DOCK3: variants seen among roughly 807,000 people sequenced by gnomAD.
DOCK3 encodes the protein dedicator of cytokinesis 3, also known as dedicator of cytokinesis protein 3.
In DOCK3, 60 loss-of-function variants were observed where a neutral mutation model predicts 265.6. That is an observed-to-expected ratio of 0.23 (90% CI 0.18 to 0.28). DOCK3 has a LOEUF of 0.28. Among genes scored for constraint, DOCK3 ranks in the 10% least tolerant of loss-of-function variants. DOCK3 has a pLI of 1.00. For missense variants in DOCK3, 1,981 were observed against 2,594.3 expected (o/e 0.76, Z 5.14); for synonymous variants, 881 against 938.0 (o/e 0.94, Z 1.11).
intron 9 of DOCK3, among the ~76,000 whole-genome samples, chr3:51,131,745 A>T (rs1171406842): frequency 6.6e-6 from 1 of 152,194 alleles, no homozygotes; most frequent in African/African-American, 2.4e-5. Flanking sequence ...CCATTATGGT[A>T]GGCCCATTTT....
intron 12 of DOCK3, among the ~76,000 whole-genome samples, chr3:51,172,268 C>T (rs893439545): frequency 5.9e-5 from 9 of 152,042 alleles, no homozygotes; most frequent in East Asian, 1.9e-4. Flanking sequence ...CTCCGCCTCC[C>T]GGGTTCCAGC....
chr3:50,676,877 G>C (rs1013357116), intron 1 of DOCK3, among the ~76,000 whole-genome samples: 1 of 152,198 alleles, frequency 6.6e-6, no homozygotes, highest in Admixed American at 6.5e-5. Flanking sequence ...ACAGGATTGT[G>C]AAAGTGAAAT....
At chr3:51,370,931 T>C (rs998410391) in intron 49 of DOCK3, among the ~76,000 whole-genome samples, 5 of 152,224 alleles carry the variant, frequency 3.3e-5, no homozygotes, top group Admixed American at 6.5e-5. Flanking sequence ...CGACTGGGGC[T>C]GTCAACTTGA....
chr3:50,854,665 C>T (rs2046504417), intron 3 of DOCK3, among the ~76,000 whole-genome samples: 1 of 138,622 alleles, frequency 7.2e-6, no homozygotes, highest in African/African-American at 2.7e-5. Flanking sequence ...TGACCTCAAG[C>T]AGTCCTCTTT....
chr3:50,695,317 G>A (rs2035540636), intron 1 of DOCK3, among the ~76,000 whole-genome samples: 4 of 152,238 alleles, frequency 2.6e-5, no homozygotes. Flanking sequence ...TCAAATACTG[G>A]CTTTGCTCTC....
chr3:51,132,486 C>T (rs751436249), intron 9 of DOCK3, among the ~76,000 whole-genome samples: 16 of 152,110 alleles, frequency 1.1e-4, no homozygotes, highest in Non-Finnish European at 2.2e-4. Context: ...GCAACTGCCT[C>T]AGGAGATAAG....
At position 50,690,561 on chromosome 3, in the gene DOCK3, CTT is replaced by C. The variant is rs1354346658; in HGVS notation, c.37+15263_37+15264del. On this transcript the variant is annotated intron_variant, in intron 1 of 52. Transcript: ENST00000266037. Reference sequence around the variant, plus strand: ...ATTCTACACCAGTTAAATGAAAACTCTTTATTCCCCCTCACCCCCAACCCCTG... The same window carrying C: ...ATTCTACACCAGTTAAATGAAAACTCTATTCCCCCTCACCCCCAACCCCTG... Among the ~76,000 whole-genome samples, 4 of 152,282 alleles carry C rather than the reference CTT, an allele frequency of 2.6e-5. No individual in the cohort carries two copies. The South Asian group carries it at 8.3e-4, about 32-fold the overall frequency.
intron 2 of DOCK3, among the ~76,000 whole-genome samples, chr3:50,784,678 G>A (rs1405236195): frequency 6.6e-6 from 1 of 152,150 alleles, no homozygotes; most frequent in African/African-American, 2.4e-5. Flanking sequence ...TGTCATCTAT[G>A]TTTTCTTTCA....
chr3:50,944,051 A>G (rs1308629853), intron 5 of DOCK3, among the ~76,000 whole-genome samples: 7 of 152,192 alleles, frequency 4.6e-5, no homozygotes, highest in Non-Finnish European at 8.8e-5. Flanking sequence ...ATTGATCTCT[A>G]TTTGCTGATA....
At chr3:50,966,551 T>C (rs1174272888) in intron 5 of DOCK3, among the ~76,000 whole-genome samples, 2 of 150,828 alleles carry the variant, frequency 1.3e-5, no homozygotes, top group Non-Finnish European at 2.9e-5. Flanking sequence ...TGAGGTGATA[T>C]CTCATTTTAC....
chr3:50,994,887 T>C (rs2078226223), intron 5 of DOCK3, among the ~76,000 whole-genome samples: 1 of 152,188 alleles, frequency 6.6e-6, no homozygotes, highest in African/African-American at 2.4e-5. Flanking sequence ...CCTGTTATCA[T>C]CATTGTTGTA....
chr3:51,234,419 A>G (rs564815892), intron 19 of DOCK3, among the ~76,000 whole-genome samples: 1 of 152,170 alleles, frequency 6.6e-6, no homozygotes, highest in East Asian at 1.9e-4. Flanking sequence ...TGGTTTGGAA[A>G]TATTTTCTCC....
intron 12 of DOCK3, among the ~76,000 whole-genome samples, chr3:51,205,792 G>A (rs1316355653): frequency 3.3e-5 from 5 of 152,208 alleles, no homozygotes; most frequent in African/African-American, 7.2e-5. Context: ...ATAAAAGGAA[G>A]CATTGGTAAT....
intron 1 of DOCK3, among the ~76,000 whole-genome samples, chr3:50,753,914 G>T (rs2039992303): frequency 6.6e-6 from 1 of 152,074 alleles, no homozygotes; most frequent in Admixed American, 6.6e-5. Context: ...CCAGCACTTT[G>T]GGAGGCCGAG....
intron 4 of DOCK3, among the ~76,000 whole-genome samples, chr3:50,929,922 C>G (rs1368881513): frequency 1.3e-5 from 2 of 152,306 alleles, no homozygotes; most frequent in East Asian, 3.9e-4. Context: ...ATCCTATACA[C>G]TAATCATTTT....
intron 1 of DOCK3, among the ~76,000 whole-genome samples, chr3:50,680,691 T>A (rs1329397759): frequency 2.6e-5 from 4 of 151,612 alleles, no homozygotes; most frequent in Non-Finnish European, 4.4e-5. Flanking sequence ...TTTTTTTTTT[T>A]ATAGAGACTG....
chr3:51,332,058 T>C (rs1384389720), intron 33 of DOCK3, among the ~76,000 whole-genome samples: 1 of 152,164 alleles, frequency 6.6e-6, no homozygotes, highest in Non-Finnish European at 1.5e-5. Context: ...GGCAGTATGC[T>C]CTGTGCAAGG....
intron 12 of DOCK3, among the ~76,000 whole-genome samples, chr3:51,165,884 C>T (rs900961386): frequency 2.6e-5 from 4 of 151,436 alleles, no homozygotes; most frequent in Admixed American, 6.6e-5. Context: ...GTATTTATCT[C>T]AGTGGCCATC....
intron 2 of DOCK3, among the ~76,000 whole-genome samples, chr3:50,829,507 T>C (rs1371784778): frequency 6.6e-6 from 1 of 152,200 alleles, no homozygotes; most frequent in African/African-American, 2.4e-5. Flanking sequence ...TCAGTTGCTT[T>C]GGTAGCCCTC....
Sources: gnomAD v4.1 joint callset for allele counts (sites outside exome capture counted in the v4.1 genomes callset) on GRCh38, gnomAD v4.1.1 for gene constraint, MANE v1.5 for transcripts, NCBI Gene and HGNC (gene_info 2026-07-23, HGNC 2026-07-21) for gene names.